NSUN4: variants seen among roughly 807,000 people sequenced by gnomAD.
NSUN4 encodes the protein 5-cytosine rRNA methyltransferase NSUN4.
Under a neutral mutation model 43.8 loss-of-function variants are expected in NSUN4, and 31 were observed. That is an observed-to-expected ratio of 0.71 (90% confidence interval 0.53 to 0.96). The LOEUF is 0.96. Ranked by LOEUF, NSUN4 falls within the 40% of genes least tolerant of loss-of-function variation. The probability of loss-of-function intolerance (pLI) is 0.00; values close to 1 mark genes in which losing one functional copy is unlikely to be tolerated. For synonymous variants in NSUN4, 167 were observed against 184.1 expected, an observed-to-expected ratio of 0.91 and a Z score of 0.75; for missense variants, 439 against 475.6, an observed-to-expected ratio of 0.92 and a Z score of 0.72.
rs1315228884 is a variant in NSUN4 at position 46,362,427 on chromosome 1, C to T, written c.*581C>T. On this transcript the variant is annotated 3_prime_UTR_variant, in exon 6 of 6. Coordinates refer to ENST00000474844, the MANE Select transcript of NSUN4 (RefSeq NM_199044.4). ...GCAAAATAATCTGCTTACCTACTCACATTGGAAAAACCCTCTGAGCTGAAT... is the reference window on the plus strand; with the variant it reads ...GCAAAATAATCTGCTTACCTACTCATATTGGAAAAACCCTCTGAGCTGAAT... The T allele has an allele frequency of 6.5e-6, 1 of 152,860 alleles. No individual in the cohort carries two copies. The highest frequency in any genetic ancestry group is 6.5e-5 in the Admixed American group (1 of 15,324). 9.5% of individuals were successfully genotyped at this position (152,860 alleles called of 1,614,324 possible).
chr1:46,345,304 T>G, intron 2 of NSUN4, 160 bp downstream of exon 2: 1 of 574,518 alleles, frequency 1.7e-6, no homozygotes, highest in Non-Finnish European at 3.1e-6. Flanking sequence ...GTACATATGT[T>G]ATCTCTTTTT....
At chr1:46,360,380 C>T (rs1334465007) in intron 4 of NSUN4, among the ~76,000 whole-genome samples, 2 of 146,862 alleles carry the variant, frequency 1.4e-5, no homozygotes, top group African/African-American at 5.1e-5. Context: ...CTGCAATGAC[C>T]TATGATCACA....
At chr1:46,372,143 G>GTT in the NSUN4 span, among the ~76,000 whole-genome samples, 129 of 136,694 alleles carry the variant, frequency 9.4e-4, no homozygotes, top group Middle Eastern at 3.8e-3. Flanking sequence ...CCTTTTTACT[G>GTT]TTTTTTTTTT....
intron 1 of NSUN4, chr1:46,342,337 C>CT (rs1244920965): frequency 1.0e-5 from 4 of 399,166 alleles, no homozygotes. Flanking sequence ...TGTGGCTTCC[C>CT]ACTCTCTTCT....
At chr1:46,358,069 C>A (rs1663511070) in intron 4 of NSUN4, among the ~76,000 whole-genome samples, 1 of 151,866 alleles carries the variant, frequency 6.6e-6, no homozygotes. Context: ...CGCCCGCCAC[C>A]ATGCCTGGCT....
At chr1:46,341,602 C>G in intron 1 of NSUN4, 13 of 1,211,830 alleles carry the variant, frequency 1.1e-5, no homozygotes, top group East Asian at 3.4e-5. Flanking sequence ...GGCACGCCCC[C>G]CTGCCCACCC....
rs869234807 is a variant in NSUN4 at position 46,348,808 on chromosome 1, G to GTTTTTTTTTTT, written c.592+1747_592+1757dup. Reference sequence around the variant, plus strand: ...TAGCCCAGCGAAGGCCTTGTGCACTGTTTTTTTTTTTTTTTTTTTTTTTTG... The same window carrying GTTTTTTTTTTT: ...TAGCCCAGCGAAGGCCTTGTGCACTGTTTTTTTTTTTTTTTTTTTTTTTTTTTTTTTTTTTG... On this transcript the variant is annotated intron_variant, in intron 3 of 5. Coordinates refer to ENST00000474844, the MANE Select transcript of NSUN4 (RefSeq NM_199044.4). Among the ~76,000 whole-genome samples the GTTTTTTTTTTT allele has an allele frequency of 3.9e-5, 3 of 77,868 alleles. 1 individual carries two copies. The highest frequency in any genetic ancestry group is 6.9e-5 in the Non-Finnish European group (3 of 43,586). The allele number at this position is 77,868 out of a possible 152,430, so 51.1% of individuals were successfully genotyped here.
rs370715389 is a variant in NSUN4 at position 46,360,812 on chromosome 1, C to G, written c.862C>G (p.Gln288Glu). 6 of 1,613,778 alleles carry G rather than the reference C, an allele frequency of 3.7e-6. No individual in the cohort carries two copies. In the African/African-American group the frequency reaches 8.0e-5, roughly 22 times the overall value. The change falls in exon 5 of 6, where the codon CAA (glutamine) becomes GAA (glutamate). Residue 288 changes from glutamine to glutamate, a missense_variant. By Grantham distance (29) the Gln-to-Glu change is conservative. Coordinates refer to ENST00000474844, the MANE Select transcript of NSUN4 (RefSeq NM_199044.4). ...KKERQILPVL[Q>E]VQLLAAGLLA... ...GGAGCGACAGATATTGCCTGTGCTG[C>G]AAGTGCAGCTTCTTGCGTGAGTGAC...
chr1:46,354,859 C>T (rs1663256394), intron 4 of NSUN4, among the ~76,000 whole-genome samples: 1 of 151,988 alleles, frequency 6.6e-6, no homozygotes, highest in Non-Finnish European at 1.5e-5. Flanking sequence ...TTAGTAGAGA[C>T]GGGGTTTCAC....
chr1:46,379,690 TTTATTTCTTACAGTTC>T, the NSUN4 span, among the ~76,000 whole-genome samples: 1 of 152,132 alleles, frequency 6.6e-6, no homozygotes, highest in Admixed American at 6.6e-5. Context: ...GAGTGGAACA[TTTATTTCTTACAGTTC>T]TAGAGGCTGG....
the NSUN4 span, among the ~76,000 whole-genome samples, chr1:46,378,886 G>C: frequency 7.2e-5 from 11 of 152,348 alleles, no homozygotes; most frequent in South Asian, 2.1e-3. Flanking sequence ...GCTAGCTTGG[G>C]CTTTTTCTTA....
intron 2 of NSUN4, among the ~76,000 whole-genome samples, chr1:46,346,524 C>G (rs1662509473): frequency 6.8e-6 from 1 of 147,424 alleles, no homozygotes; most frequent in Non-Finnish European, 1.5e-5. Context: ...CGCACTCCAG[C>G]CTGGGCAACA....
chr1:46,382,628 G>T, the NSUN4 span, among the ~76,000 whole-genome samples: 7 of 143,252 alleles, frequency 4.9e-5, no homozygotes, highest in East Asian at 1.2e-3. Context: ...TTTTGAGACA[G>T]TCTCACTCTG....
At chr1:46,369,667 C>T (rs1187181927), downstream of NSUN4, among the ~76,000 whole-genome samples, 1 of 151,932 alleles carries the variant, frequency 6.6e-6, no homozygotes, top group Non-Finnish European at 1.5e-5. Context: ...GGGAACAGTT[C>T]GTGTGAATGT....
chr1:46,375,919 G>A, the NSUN4 span, among the ~76,000 whole-genome samples: 1 of 150,758 alleles, frequency 6.6e-6, no homozygotes, highest in Non-Finnish European at 1.5e-5. Context: ...CCAACCTAAC[G>A]AACATGGAGA....
At chr1:46,369,091 T>A (rs1664198035), downstream of NSUN4, among the ~76,000 whole-genome samples, 1 of 152,226 alleles carries the variant, frequency 6.6e-6, no homozygotes, top group Non-Finnish European at 1.5e-5. Context: ...AAATGCCTTT[T>A]CCCTTGTGCT....
At position 46,352,576 on chromosome 1, in the gene NSUN4, AAGAAAGGGG is replaced by A. The variant is rs1260602296; in HGVS notation, c.593-279_593-271del. Among the ~76,000 whole-genome samples the A allele has an allele frequency of 2.6e-5, 4 of 152,072 alleles. No homozygotes were observed. In the East Asian group the frequency reaches 5.8e-4, roughly 22 times the overall value. ...GGGGAAAGGAAAAGGGGAAAGGGGA[AAGAAAGGGG>A]AGAAAGGGGAGAGAGGACAGGAAAG... On this transcript the variant is annotated intron_variant, in intron 3 of 5. Coordinates refer to ENST00000474844, the MANE Select transcript of NSUN4 (RefSeq NM_199044.4).
intron 4 of NSUN4, among the ~76,000 whole-genome samples, chr1:46,354,967 G>A (rs941527912): frequency 2.0e-5 from 3 of 152,144 alleles, no homozygotes; most frequent in Non-Finnish European, 4.4e-5. Context: ...CACTGCGCCC[G>A]GCCTATTCAT....
intron 2 of NSUN4, 54 bp from the exon 3 acceptor site, chr1:46,346,867 C>G: frequency 6.6e-7 from 1 of 1,519,800 alleles, no homozygotes; most frequent in East Asian, 2.3e-5. Flanking sequence ...GCCTAGACTC[C>G]CAGTGGGTGT....
Sources: allele counts gnomAD v4.1 joint callset (sites outside exome capture counted in the v4.1 genomes callset), GRCh38; gene constraint gnomAD v4.1.1; transcripts MANE v1.5; gene names NCBI Gene and HGNC (gene_info 2026-07-23, HGNC 2026-07-21).